The following HECW1 variants were observed in gnomAD, a reference collection of about 807,000 sequenced individuals.
HECW1 encodes the protein E3 ubiquitin-protein ligase HECW1.
HECW1 carries 61 observed loss-of-function variants against 182.3 expected under a neutral mutation model. That is an observed-to-expected ratio of 0.33 (90% CI 0.27 to 0.41). The LOEUF (loss-of-function observed/expected upper bound fraction) is 0.41. Ranked by LOEUF, HECW1 falls within the 10% of genes least tolerant of loss-of-function variation. The pLI, the probability that HECW1 is intolerant of heterozygous loss-of-function variation, is 1.00. For missense variants in HECW1, 1,739 were observed against 2,108.9 expected, an observed-to-expected ratio of 0.82 and a Z score of 3.44; for synonymous variants, 859 against 832.6, an observed-to-expected ratio of 1.03 and a Z score of -0.55.
chr7:43,548,471 A>C (rs1479276478), intron 26 of HECW1, among the ~76,000 whole-genome samples: 1 of 152,180 alleles, frequency 6.6e-6, no homozygotes. Flanking sequence ...CACCAAGAAC[A>C]ATGAGTGGTT....
At chr7:43,402,601 G>A (rs899827095) in intron 7 of HECW1, among the ~76,000 whole-genome samples, 2 of 152,152 alleles carry the variant, frequency 1.3e-5, no homozygotes, top group Non-Finnish European at 2.9e-5. Flanking sequence ...TAATATGTAA[G>A]CATGTACTCC....
chr7:43,325,197 A>G (rs61642321), intron 5 of HECW1, among the ~76,000 whole-genome samples: 170 of 152,354 alleles, frequency 1.1e-3, no homozygotes, highest in African/African-American at 3.9e-3. Flanking sequence ...TGGCTATAAC[A>G]TGAGAACTCT....
intron 8 of HECW1, among the ~76,000 whole-genome samples, chr7:43,435,643 G>C (rs1169584982): frequency 1.3e-5 from 2 of 152,122 alleles, no homozygotes; most frequent in South Asian, 2.1e-4. Context: ...TTATTTACAG[G>C]GGGAGCTCTT....
rs548174607 is a variant in HECW1 at position 43,184,722 on chromosome 7, A to G, written c.-31-59153A>G. 2.0e-5 allele frequency among the ~76,000 whole-genome samples: 3 copies of G among 152,296 alleles called. No homozygotes were observed. In the East Asian group the frequency reaches 5.8e-4, roughly 29 times the overall value. ...CATCTGTTCTCACATTGCTGTAAAGAAATATCTGAGACTGGGTAATTTACA... is the reference window on the plus strand; with the variant it reads ...CATCTGTTCTCACATTGCTGTAAAGGAATATCTGAGACTGGGTAATTTACA... On this transcript the variant is annotated intron_variant, in intron 2 of 29. Coordinates refer to ENST00000395891, the MANE Select transcript of HECW1 (RefSeq NM_015052.5).
At chr7:43,147,590 A>G (rs529274717) in intron 2 of HECW1, 1 of 152,352 alleles carries the variant, frequency 6.6e-6, no homozygotes, top group Non-Finnish European at 1.5e-5. Flanking sequence ...TCAAAGGTAA[A>G]CAAAGAGTTT....
At chr7:43,518,830 C>T (rs1217338622) in intron 24 of HECW1, among the ~76,000 whole-genome samples, 1 of 152,090 alleles carries the variant, frequency 6.6e-6, no homozygotes, top group Admixed American at 6.5e-5. Context: ...TTATAACGAT[C>T]AAATTGCCAA....
chr7:43,197,732 C>T (rs1201726113), intron 2 of HECW1, among the ~76,000 whole-genome samples: 1 of 152,100 alleles, frequency 6.6e-6, no homozygotes. Flanking sequence ...GTGGGGGACT[C>T]TGACGAACAC....
chr7:43,123,987 A>G (rs1163913124), intron 2 of HECW1, among the ~76,000 whole-genome samples: 1 of 152,238 alleles, frequency 6.6e-6, no homozygotes, highest in Admixed American at 6.5e-5. Flanking sequence ...GAGAGAAAAC[A>G]AATCTAAACC....
At chr7:43,473,223 G>A (rs962312903) in intron 16 of HECW1, among the ~76,000 whole-genome samples, 3 of 152,204 alleles carry the variant, frequency 2.0e-5, no homozygotes, top group East Asian at 1.9e-4. Context: ...ACCCTCCACC[G>A]TGAGTGGAAG....
At chr7:43,302,443 T>C (rs2152763974) in intron 3 of HECW1, among the ~76,000 whole-genome samples, 1 of 152,248 alleles carries the variant, frequency 6.6e-6, no homozygotes, top group East Asian at 1.9e-4. Context: ...TGATTCACAG[T>C]ATTGTGGGTT....
In HECW1 at chr7:43,508,139, A is replaced by C. The variant is rs1399030457; in HGVS notation, c.3866+8A>C. On this transcript the variant is annotated splice_region_variant and intron_variant, in intron 23 of 29. Transcript: ENST00000395891. ...CTTTGTTGGAGAGGAGGGGTGAGGC[A>C]CCAGGAGTTTTATGCAGACACCTAA... The C allele has an allele frequency of 9.4e-6, 15 of 1,602,924 alleles. No homozygotes were observed. Among genetic ancestry groups the C allele is most frequent in the Non-Finnish European group, 1.3e-5 (15 of 1,170,130 alleles).
chr7:43,461,224 C>T (rs570744087), intron 13 of HECW1, among the ~76,000 whole-genome samples: 3 of 152,198 alleles, frequency 2.0e-5, no homozygotes, highest in Non-Finnish European at 4.4e-5. Context: ...GGGCTGGAGA[C>T]TCACATATTA....
At chr7:43,510,697 T>C (rs760483111) in intron 24 of HECW1, among the ~76,000 whole-genome samples, 2 of 151,742 alleles carry the variant, frequency 1.3e-5, no homozygotes, top group African/African-American at 2.4e-5. Flanking sequence ...AGTTAGGGGG[T>C]CAGGGAGTGG....
chr7:43,356,800 A>C (rs1815199174), intron 5 of HECW1, among the ~76,000 whole-genome samples: 1 of 151,456 alleles, frequency 6.6e-6, no homozygotes, highest in Non-Finnish European at 1.5e-5. Context: ...ACTAATGGAG[A>C]AATTAAGAAA....
chr7:43,181,913 G>A (rs6943915), intron 2 of HECW1, among the ~76,000 whole-genome samples: 37,350 of 149,912 alleles, frequency 0.25, 5,592 homozygotes, highest in African/African-American at 0.28. Context: ...TCAGCCTCCC[G>A]AGTAGCTGGG....
rs1032194580 is a variant in HECW1, at chr7:43,444,379, G to C, written c.1207G>C (p.Asp403His). Residue 403 changes from aspartate (D) to histidine (H), a missense_variant, in exon 11 of 30, where the codon GAT becomes CAT. This residue lies in a region of HECW1 where 971 missense variants were observed against 1,029.1 expected (regional missense o/e 0.94). Transcript: ENST00000395891. The surrounding 1 kb of genome is among the most constrained non-coding windows in gnomAD (Gnocchi z 4.3). Reference protein sequence around the residue: ...PEQLGEGSVPDGPGNQSIELS... With the variant: ...PEQLGEGSVPHGPGNQSIELS... Reference sequence around the variant, plus strand: ...GCAGCTGGGTGAGGGCAGTGTCCCCGATGGTCCAGGGAACCAAAGCATAGA... The same window carrying C: ...GCAGCTGGGTGAGGGCAGTGTCCCCCATGGTCCAGGGAACCAAAGCATAGA... 1.2e-6 allele frequency: 2 copies of C among 1,614,100 alleles called. No individual in the cohort carries two copies. Among genetic ancestry groups the C allele is most frequent in the Non-Finnish European group, 8.5e-7 (1 of 1,179,998 alleles).
intron 5 of HECW1, among the ~76,000 whole-genome samples, chr7:43,328,958 C>G (rs534442841): frequency 3.9e-5 from 6 of 152,148 alleles, no homozygotes; most frequent in African/African-American, 1.4e-4. Context: ...TGCTGGGGAT[C>G]GTGCTGGTCT....
intron 6 of HECW1, among the ~76,000 whole-genome samples, chr7:43,393,430 C>T (rs753425460): frequency 5.9e-5 from 9 of 152,212 alleles, no homozygotes; most frequent in East Asian, 1.9e-4. Context: ...GCTTCTGCAA[C>T]GCATCTCGAG....
chr7:43,441,231 C>T (rs908877400), intron 9 of HECW1, among the ~76,000 whole-genome samples: 2 of 152,038 alleles, frequency 1.3e-5, no homozygotes, highest in Non-Finnish European at 2.9e-5. Flanking sequence ...TAAGAAATTG[C>T]TTTGAGGGGG....
Sources: gnomAD v4.1 joint callset for allele counts (sites outside exome capture counted in the v4.1 genomes callset) on GRCh38, gnomAD v4.1.1 for gene constraint, gnomAD v4.1.1 regional missense constraint, Gnocchi (gnomAD v3.1) non-coding constraint, MANE v1.5 for transcripts, NCBI Gene and HGNC (gene_info 2026-07-23, HGNC 2026-07-21) for gene names.